Variants in INPP4A observed in about 807,000 individuals in gnomAD.
The protein encoded by INPP4A is inositol polyphosphate-4-phosphatase, type I, 107kD.
Under a neutral mutation model 119.8 loss-of-function variants are expected in INPP4A, and 33 were observed. That is an observed-to-expected ratio of 0.28 (90% CI 0.21 to 0.37). The LOEUF (loss-of-function observed/expected upper bound fraction) is 0.37. INPP4A is among the 10% of genes least tolerant of loss of function. INPP4A has a pLI of 1.00. For synonymous variants in INPP4A, 496 were observed against 500.7 expected (o/e 0.99, Z 0.12); for missense variants, 956 against 1,289.9 (o/e 0.74, Z 3.97).
chr2:98,511,474 C>T (rs978620767), intron 1 of INPP4A, among the ~76,000 whole-genome samples: 2 of 152,304 alleles, frequency 1.3e-5, no homozygotes, highest in East Asian at 3.9e-4. Flanking sequence ...CCCTCTCCTG[C>T]CCTGTGCAGG....
intron 4 of INPP4A, among the ~76,000 whole-genome samples, chr2:98,530,177 C>A (rs1688948954): frequency 6.7e-6 from 1 of 149,750 alleles, no homozygotes. Flanking sequence ...TCAAATCTAC[C>A]ATAAGGACAA....
chr2:98,503,704 A>T (rs907726835), intron 1 of INPP4A, among the ~76,000 whole-genome samples: 1 of 152,344 alleles, frequency 6.6e-6, no homozygotes, highest in African/African-American at 2.4e-5. Flanking sequence ...ACAGTTCCAG[A>T]TTACAGACTC....
intron 1 of INPP4A, among the ~76,000 whole-genome samples, chr2:98,481,062 C>T (rs1261448309): frequency 6.6e-6 from 1 of 152,226 alleles, no homozygotes; most frequent in African/African-American, 2.4e-5. Context: ...CCTTGAGTTA[C>T]ACAGGTGTGC....
At position 98,572,901 on chromosome 2, in the gene INPP4A, G is replaced by A. The variant is rs371978515; in HGVS notation, c.2605G>A (p.Val869Ile). The A allele has an allele frequency of 8.9e-6, 14 of 1,576,012 alleles. No homozygotes were observed. The highest frequency in any genetic ancestry group is 2.7e-5 in the African/African-American group (2 of 73,912). ...CGTGCATGCCCGGAAGAATAAGAAC[G>A]TCGACATTCTCTGGCAAGCTGCTGA... is the stretch of plus-strand genomic sequence containing the variant. ...QNVHARKNKN[V>I]DILWQAAEIC... Residue 869 changes from valine (V) to isoleucine (I), a missense_variant, in exon 23 of 25, where the codon GTC becomes ATC. Val to Ile is a conservative substitution (Grantham distance 29). This residue lies in a region of INPP4A where 304 missense variants were observed against 492.1 expected (regional missense o/e 0.62). Transcript: ENST00000409851.
chr2:98,459,741 A>C (rs979322112), intron 1 of INPP4A, among the ~76,000 whole-genome samples: 1 of 152,236 alleles, frequency 6.6e-6, no homozygotes, highest in African/African-American at 2.4e-5. Context: ...CTGGCACAAA[A>C]TAGGCATATA....
At chr2:98,503,899 G>A (rs201809413) in intron 1 of INPP4A, among the ~76,000 whole-genome samples, 3 of 152,238 alleles carry the variant, frequency 2.0e-5, no homozygotes, top group African/African-American at 7.2e-5. Context: ...TGTTGCTGTT[G>A]AGCATGAAGG....
intron 23 of INPP4A, among the ~76,000 whole-genome samples, chr2:98,574,816 A>T (rs1019544097): frequency 6.6e-6 from 1 of 152,172 alleles, no homozygotes; most frequent in Non-Finnish European, 1.5e-5. Flanking sequence ...GTCTATTGCC[A>T]TATAATAGAA....
At chr2:98,520,803 C>T in intron 4 of INPP4A, 72 bp downstream of exon 4, 1 of 817,210 alleles carries the variant, frequency 1.2e-6, no homozygotes, top group South Asian at 1.6e-5. Flanking sequence ...ACACTACCAC[C>T]AGTGCATGGG....
intron 23 of INPP4A, 140 bp from the exon 24 acceptor site, chr2:98,576,849 T>C (rs1188257972): frequency 2.0e-6 from 2 of 1,003,554 alleles, no homozygotes; most frequent in East Asian, 2.7e-5. Context: ...GGGAACAAAA[T>C]TGGAGCGTCT....
chr2:98,509,004 G>A (rs1232601591), intron 1 of INPP4A, among the ~76,000 whole-genome samples: 2 of 152,114 alleles, frequency 1.3e-5, no homozygotes, highest in African/African-American at 2.4e-5. Context: ...CAGGGGTGCC[G>A]CTGCCTGGAA....
chr2:98,506,784 T>C (rs574310843), intron 1 of INPP4A, among the ~76,000 whole-genome samples: 1 of 152,292 alleles, frequency 6.6e-6, no homozygotes. Flanking sequence ...GAAGGGGTCC[T>C]GGGCACATTT....
intron 24 of INPP4A, among the ~76,000 whole-genome samples, chr2:98,583,693 T>C (rs768289090): frequency 6.6e-6 from 1 of 152,136 alleles, no homozygotes; most frequent in Non-Finnish European, 1.5e-5. Flanking sequence ...GAAGCTTGCT[T>C]TTCCAGAAAC....
At chr2:98,527,457 C>T (rs1237379966) in intron 4 of INPP4A, among the ~76,000 whole-genome samples, 1 of 152,134 alleles carries the variant, frequency 6.6e-6, no homozygotes, top group Non-Finnish European at 1.5e-5. Context: ...ACCAAAAAAA[C>T]CTTAAAAGGG....
chr2:98,531,669 A>G (rs920697280), intron 4 of INPP4A, among the ~76,000 whole-genome samples: 3 of 152,242 alleles, frequency 2.0e-5, no homozygotes, highest in African/African-American at 4.8e-5. Flanking sequence ...AACAGAAAAA[A>G]CAGAGGCCTA....
At chr2:98,563,396 G>A (rs1695842810) in intron 17 of INPP4A, 69 bp from the exon 18 acceptor site, 3 of 1,452,282 alleles carry the variant, frequency 2.1e-6, no homozygotes, top group Admixed American at 2.0e-5. Flanking sequence ...CAGGTGACTT[G>A]TTAAATTGCC....
chr2:98,470,655 ATTTCTTTT>A (rs1164832676), intron 1 of INPP4A, among the ~76,000 whole-genome samples: 1 of 150,422 alleles, frequency 6.6e-6, no homozygotes, highest in Admixed American at 6.6e-5. Context: ...GCTGGAAGAC[ATTTCTTTT>A]TTTCTTTTTT....
intron 1 of INPP4A, among the ~76,000 whole-genome samples, chr2:98,508,833 A>T (rs1684583302): frequency 6.6e-6 from 1 of 152,146 alleles, no homozygotes; most frequent in African/African-American, 2.4e-5. Context: ...GCAGACCGCC[A>T]TGTACAGTGT....
intron 22 of INPP4A, among the ~76,000 whole-genome samples, chr2:98,571,257 A>C (rs1218954904): frequency 6.6e-6 from 1 of 152,204 alleles, no homozygotes; most frequent in Non-Finnish European, 1.5e-5. Context: ...TTTCACACCC[A>C]CTTGGCAGGT....
chr2:98,537,697 G>T (rs538240162), intron 7 of INPP4A, among the ~76,000 whole-genome samples, 166 bp from the exon 8 acceptor site: 1 of 152,264 alleles, frequency 6.6e-6, no homozygotes, highest in Admixed American at 6.5e-5. Flanking sequence ...TGTCTGTCTC[G>T]CCTGAGAGGA....
Sources: allele counts gnomAD v4.1 joint callset (sites outside exome capture counted in the v4.1 genomes callset), GRCh38; gene constraint gnomAD v4.1.1; regional missense constraint gnomAD v4.1.1; transcripts MANE v1.5; gene names NCBI Gene and HGNC (gene_info 2026-07-23, HGNC 2026-07-21).